Variants in CPEB3 observed in about 807,000 individuals in gnomAD.
CPEB3 encodes the protein cytoplasmic polyadenylation element binding protein 3.
Under a neutral mutation model 67.2 loss-of-function variants are expected in CPEB3, and 20 were observed. That is an observed-to-expected ratio of 0.30 (90% CI 0.21 to 0.43). The LOEUF (loss-of-function observed/expected upper bound fraction) is 0.43, where lower values mean the gene tolerates loss of function less well. Ranked by LOEUF, CPEB3 falls within the 20% of genes least tolerant of loss-of-function variation. The pLI, the probability that CPEB3 is intolerant of heterozygous loss-of-function variation, is 1.00. For missense variants in CPEB3, 746 were observed against 968.6 expected, an observed-to-expected ratio of 0.77 and a Z score of 3.05; for synonymous variants, 376 against 393.1, an observed-to-expected ratio of 0.96 and a Z score of 0.51.
intron 4 of CPEB3, 24 bp from the exon 5 acceptor site, chr10:92,145,109 C>G: frequency 6.2e-7 from 1 of 1,612,056 alleles, no homozygotes; most frequent in African/African-American, 1.3e-5. Flanking sequence ...GAGAGAAGAT[C>G]GACCTGAAAC....
intron 1 of CPEB3, among the ~76,000 whole-genome samples, chr10:92,251,505 G>T (rs1228966535): frequency 6.6e-6 from 1 of 152,006 alleles, no homozygotes; most frequent in Non-Finnish European, 1.5e-5. Flanking sequence ...GAAATAGGTG[G>T]ATCTATGTAT....
chr10:92,219,146 A>G (rs1850579446), intron 2 of CPEB3, among the ~76,000 whole-genome samples: 1 of 152,186 alleles, frequency 6.6e-6, no homozygotes, highest in African/African-American at 2.4e-5. Context: ...TGACACCCCT[A>G]GAAGAAAATT....
chr10:92,122,574 TA>T (rs1845439114), intron 6 of CPEB3, among the ~76,000 whole-genome samples: 1 of 152,220 alleles, frequency 6.6e-6, no homozygotes, highest in South Asian at 2.1e-4. Context: ...TTCTTGTTCT[TA>T]AGGAGTTTAT....
intron 6 of CPEB3, among the ~76,000 whole-genome samples, chr10:92,113,612 G>A (rs1204139523): frequency 6.6e-6 from 1 of 152,232 alleles, no homozygotes; most frequent in Non-Finnish European, 1.5e-5. Context: ...TGCCCAGTGA[G>A]TTGGGGCTTT....
chr10:92,236,880 T>C (rs1267110316), intron 2 of CPEB3, among the ~76,000 whole-genome samples: 2 of 152,202 alleles, frequency 1.3e-5, no homozygotes, highest in Non-Finnish European at 2.9e-5. Flanking sequence ...ATGGGTTTCT[T>C]TAAAAATTTT....
At chr10:92,274,267 C>G (rs1841876803) in intron 1 of CPEB3, among the ~76,000 whole-genome samples, 1 of 152,202 alleles carries the variant, frequency 6.6e-6, no homozygotes, top group Non-Finnish European at 1.5e-5. Flanking sequence ...CAAGTGCTCC[C>G]TGAGTGCAGC....
chr10:92,175,280 ATT>A (rs1212047684), intron 4 of CPEB3, among the ~76,000 whole-genome samples: 1 of 151,416 alleles, frequency 6.6e-6, no homozygotes, highest in Non-Finnish European at 1.5e-5. Flanking sequence ...TAGCATAATT[ATT>A]TTGACAGTCA....
At chr10:92,201,927 C>G (rs1564861627) in intron 2 of CPEB3, among the ~76,000 whole-genome samples, 1 of 152,138 alleles carries the variant, frequency 6.6e-6, no homozygotes, top group African/African-American at 2.4e-5. Flanking sequence ...AGAAATGTGT[C>G]TTATTTCTCT....
intron 1 of CPEB3, among the ~76,000 whole-genome samples, chr10:92,267,158 T>C (rs947196956): frequency 2.0e-5 from 3 of 152,178 alleles, no homozygotes; most frequent in Non-Finnish European, 4.4e-5. Flanking sequence ...AAAATCCTAA[T>C]GCAGGAGTAA....
intron 9 of CPEB3, among the ~76,000 whole-genome samples, chr10:92,060,368 A>T (rs1043566119): frequency 9.2e-5 from 14 of 152,112 alleles, no homozygotes; most frequent in Non-Finnish European, 7.3e-5. Flanking sequence ...TATATAAATC[A>T]AAATAGATTA....
chr10:92,289,732 A>AAAAAAAAAAAAAAAAAAAAAT lies in CPEB3; in HGVS notation c.-12+1193_-12+1194insATTTTTTTTTTTTTTTTTTTT. On this transcript the variant is annotated intron_variant, in intron 1 of 9. Coordinates refer to ENST00000265997, the MANE Select transcript of CPEB3 (RefSeq NM_014912.5). Reference sequence around the variant, plus strand: ...CGCGTCTCTACCAAAAAAAAAAAAAAATATATATATATATATATATATATA... The same window carrying AAAAAAAAAAAAAAAAAAAAAT: ...CGCGTCTCTACCAAAAAAAAAAAAAAAAAAAAAAAAAAAAAAAAAATATATATATATATATATATATATATA... Among the ~76,000 whole-genome samples the AAAAAAAAAAAAAAAAAAAAAT allele has an allele frequency of 9.5e-4, 72 of 75,760 alleles. 1 individual carries two copies. The highest frequency in any genetic ancestry group is 1.6e-3 in the Non-Finnish European group (62 of 39,086). 49.7% of individuals were successfully genotyped at this position (75,760 alleles called of 152,430 possible).
intron 1 of CPEB3, among the ~76,000 whole-genome samples, chr10:92,281,895 G>A (rs1014726119): frequency 2.0e-5 from 3 of 152,260 alleles, no homozygotes; most frequent in East Asian, 1.9e-4. Flanking sequence ...AAATGCTAAC[G>A]CAGTGAAAAA....
chr10:92,112,834 G>C (rs1844818003), intron 6 of CPEB3, among the ~76,000 whole-genome samples: 1 of 152,208 alleles, frequency 6.6e-6, no homozygotes, highest in African/African-American at 2.4e-5. Flanking sequence ...TTGCATATCA[G>C]AAGAATGTAA....
intron 2 of CPEB3, among the ~76,000 whole-genome samples, chr10:92,203,242 T>A (rs1023435633): frequency 1.3e-5 from 2 of 150,726 alleles, no homozygotes; most frequent in African/African-American, 4.9e-5. Context: ...CGCCCAGCCT[T>A]TAAGCTGTTA....
At chr10:92,211,704 T>C (rs1418233113) in intron 2 of CPEB3, among the ~76,000 whole-genome samples, 3 of 150,412 alleles carry the variant, frequency 2.0e-5, no homozygotes, top group Non-Finnish European at 4.4e-5. Flanking sequence ...ACCAGGTTAA[T>C]TTTTTTGTGT....
At chr10:92,115,173 G>A (rs572304391) in intron 6 of CPEB3, among the ~76,000 whole-genome samples, 64 of 152,348 alleles carry the variant, frequency 4.2e-4, no homozygotes, top group Admixed American at 2.2e-3. Flanking sequence ...CGTCCCTGGA[G>A]AAGGGAGTCT....
At chr10:92,241,207 G>A (rs1242746639) in intron 1 of CPEB3, among the ~76,000 whole-genome samples, 9 of 151,760 alleles carry the variant, frequency 5.9e-5, no homozygotes, top group Admixed American at 5.9e-4. Context: ...GCATCGCAGT[G>A]CTTCAGGTCT....
intron 7 of CPEB3, among the ~76,000 whole-genome samples, chr10:92,098,012 T>G (rs1486425557): frequency 4.0e-5 from 6 of 150,950 alleles, no homozygotes; most frequent in Non-Finnish European, 8.9e-5. Context: ...AAATACAGAA[T>G]CAGTCAGGCA....
intron 3 of CPEB3, among the ~76,000 whole-genome samples, chr10:92,190,566 G>A (rs540641065): frequency 1.5e-4 from 23 of 149,576 alleles, no homozygotes; most frequent in African/African-American, 5.4e-4. Context: ...TCAGGAAGCT[G>A]AGGCAGGAGA....
Sources: allele counts gnomAD v4.1 joint callset (sites outside exome capture counted in the v4.1 genomes callset), GRCh38; gene constraint gnomAD v4.1.1; transcripts MANE v1.5; gene names NCBI Gene and HGNC (gene_info 2026-07-23, HGNC 2026-07-21).